Variants in FCAR observed in about 807,000 individuals in gnomAD.
FCAR encodes immunoglobulin alpha Fc receptor.
Under a neutral mutation model 27.1 loss-of-function variants are expected in FCAR, and 21 were observed. The ratio of observed to expected loss-of-function variants is 0.77; its 90% CI spans 0.55 to 1.11. FCAR has a LOEUF of 1.11. FCAR is among the 50% of genes most tolerant of loss of function. The pLI, the probability that FCAR is intolerant of heterozygous loss-of-function variation, is 0.00. For synonymous variants in FCAR, 134 were observed against 135.8 expected (o/e 0.99, Z 0.09); for missense variants, 404 against 358.4 (o/e 1.13, Z -1.03).
In FCAR at chr19:54,890,789, A is replaced by T. The variant is rs971615658; in HGVS notation, c.*926A>T. 2.6e-5 allele frequency: 4 copies of T among 152,090 alleles called. No individual in the cohort carries two copies. Among genetic ancestry groups the T allele is most frequent in the African/African-American group, 9.7e-5 (4 of 41,406 alleles). 9.4% of individuals were successfully genotyped at this position (152,090 alleles called of 1,614,324 possible). On this transcript the variant is annotated 3_prime_UTR_variant, in exon 5 of 5. Transcript: ENST00000355524. ...TAAATGGTTGGTAAGCATGCCAAATATATTCAATAACCCCCCTCCTTTATT... is the reference window on the plus strand; with the variant it reads ...TAAATGGTTGGTAAGCATGCCAAATTTATTCAATAACCCCCCTCCTTTATT...
intron 3 of FCAR, among the ~76,000 whole-genome samples, chr19:54,886,384 G>A (rs1159200250): frequency 1.6e-5 from 2 of 128,416 alleles, no homozygotes; most frequent in Non-Finnish European, 3.1e-5. Flanking sequence ...TCGGCTCACT[G>A]CAAGCTCCAA....
chr19:54,876,055 G>T (rs1412143055), intron 2 of FCAR, among the ~76,000 whole-genome samples: 1 of 152,128 alleles, frequency 6.6e-6, no homozygotes, highest in Non-Finnish European at 1.5e-5. Flanking sequence ...CACCTCCCTG[G>T]TTAGCTGTAT....
chr19:54,884,856 G>T (rs1264331517), intron 2 of FCAR, among the ~76,000 whole-genome samples: 1 of 151,956 alleles, frequency 6.6e-6, no homozygotes, highest in Admixed American at 6.6e-5. Context: ...GCCCAGGCTG[G>T]AGTGCAGTGG....
intron 2 of FCAR, among the ~76,000 whole-genome samples, chr19:54,881,854 G>T (rs950641501): frequency 6.8e-6 from 1 of 148,082 alleles, no homozygotes; most frequent in Non-Finnish European, 1.5e-5. Context: ...GCACTGCAGC[G>T]TGGGCGACAG....
chr19:54,885,007 C>T (rs770195753), intron 2 of FCAR, among the ~76,000 whole-genome samples: 2 of 152,006 alleles, frequency 1.3e-5, no homozygotes, highest in Non-Finnish European at 2.9e-5. Context: ...GGGGTTTCAC[C>T]GTGTTAGCCA....
At chr19:54,876,049 T>G (rs1173486223) in intron 2 of FCAR, among the ~76,000 whole-genome samples, 2 of 152,256 alleles carry the variant, frequency 1.3e-5, no homozygotes, top group Admixed American at 6.5e-5. Context: ...ATCTTTCACC[T>G]CCCTGGTTAG....
intron 2 of FCAR, among the ~76,000 whole-genome samples, chr19:54,879,507 T>C (rs922504960): frequency 6.6e-6 from 1 of 152,128 alleles, no homozygotes; most frequent in Non-Finnish European, 1.5e-5. Flanking sequence ...TTATGAAACT[T>C]AGTTTGGCTG....
rs1286360527 is a variant in FCAR, at chr19:54,887,993, CTT to C, written c.362-11_362-10del. 4 of 1,587,750 alleles carry C rather than the reference CTT, an allele frequency of 2.5e-6. No homozygotes were observed. The highest frequency in any genetic ancestry group is 3.4e-6 in the Non-Finnish European group (4 of 1,164,692). ...GAAAAGGTCTTTCTAATAGCTCACTCTTTTCTCTCTTAGGCTTGTATGGCAAA... is the reference window on the plus strand; with the variant it reads ...GAAAAGGTCTTTCTAATAGCTCACTCTTCTCTCTTAGGCTTGTATGGCAAA... On this transcript the variant is annotated splice_polypyrimidine_tract_variant and intron_variant, in intron 3 of 4. Transcript: ENST00000355524.
chr19:54,876,430 C>T (rs1392542022), intron 2 of FCAR, among the ~76,000 whole-genome samples: 2 of 152,156 alleles, frequency 1.3e-5, no homozygotes, highest in African/African-American at 2.4e-5. Context: ...ATACTTCCAG[C>T]TTTTGCCCAT....
chr19:54,878,991 G>A (rs2066264971), intron 2 of FCAR, among the ~76,000 whole-genome samples: 1 of 146,320 alleles, frequency 6.8e-6, no homozygotes, highest in Non-Finnish European at 1.5e-5. Flanking sequence ...TGATTCTCCT[G>A]CCTCAGCCTC....
intron 4 of FCAR, 47 bp downstream of exon 4, chr19:54,888,341 G>A (rs773540122): frequency 5.3e-5 from 85 of 1,603,004 alleles, no homozygotes; most frequent in Non-Finnish European, 7.1e-5. Flanking sequence ...GCTGTCCAGG[G>A]CCTTGCCACC....
intron 3 of FCAR, 89 bp from the exon 4 acceptor site, chr19:54,887,917 CA>C: frequency 8.1e-6 from 9 of 1,111,040 alleles, no homozygotes; most frequent in Admixed American, 2.8e-5. Context: ...AACTCCATCT[CA>C]AAAAAATATA....
At chr19:54,875,043 C>T (rs377441488) in intron 1 of FCAR, among the ~76,000 whole-genome samples, 2 of 151,894 alleles carry the variant, frequency 1.3e-5, no homozygotes, top group Non-Finnish European at 2.9e-5. Flanking sequence ...TGGTGGCGGG[C>T]GCCTGTAGTC....
At position 54,888,159 on chromosome 19, in the gene FCAR, G is replaced by A. The variant is rs367918012; in HGVS notation, c.514G>A (p.Gly172Arg). ...GELSLPQHQSGEHPANFSLGP... is the reference protein window; with the variant it reads ...GELSLPQHQSREHPANFSLGP... The stretch of plus-strand genomic sequence containing the variant: ...ACTTTCTCTGCCACAGCACCAAAGT[G>A]GGGAACACCCGGCCAACTTCTCTTT... Residue 172 changes from glycine (G) to arginine (R), a missense_variant, in exon 4 of 5, where the codon GGG becomes AGG. Gly to Arg is a moderately radical substitution (Grantham distance 125). Coordinates refer to ENST00000355524, the MANE Select transcript of FCAR (RefSeq NM_002000.4). The A allele has an allele frequency of 6.2e-7, 1 of 1,614,046 alleles. No individual in the cohort carries two copies. Among genetic ancestry groups the A allele is most frequent in the Non-Finnish European group, 8.5e-7 (1 of 1,180,032 alleles).
At chr19:54,885,058 G>A (rs587604626) in intron 2 of FCAR, among the ~76,000 whole-genome samples, 177 bp from the exon 3 acceptor site, 2 of 152,044 alleles carry the variant, frequency 1.3e-5, no homozygotes, top group East Asian at 1.9e-4. Flanking sequence ...CACCCGCCTC[G>A]GCCTCCCAAA....
rs2066868090 is a variant in FCAR, at chr19:54,888,221, G to A, written c.576G>A (p.Arg192=). The A allele has an allele frequency of 6.2e-7, 1 of 1,614,190 alleles. No individual in the cohort carries two copies. The highest frequency in any genetic ancestry group is 8.5e-7 in the Non-Finnish European group (1 of 1,180,020). ...ACCTCAATGTCTCAGGGATCTACAGGTGCTACGGTTGGTACAACAGGAGCC... is the reference window on the plus strand; with the variant it reads ...ACCTCAATGTCTCAGGGATCTACAGATGCTACGGTTGGTACAACAGGAGCC... The part of the protein sequence containing the change: ...PVDLNVSGIY[R]CYGWYNRSPY... Residue 192 remains arginine (R), a synonymous_variant, in exon 4 of 5, where the codon AGG becomes AGA. Coordinates refer to ENST00000355524, the MANE Select transcript of FCAR (RefSeq NM_002000.4).
chr19:54,888,603 A>G (rs1479156328), intron 4 of FCAR: 26 of 954,394 alleles, frequency 2.7e-5, no homozygotes, highest in Non-Finnish European at 3.5e-5. Context: ...GCTGGAGTGC[A>G]GTGGCACGAT....
At chr19:54,885,033 C>T (rs753280977) in intron 2 of FCAR, among the ~76,000 whole-genome samples, 2 of 152,076 alleles carry the variant, frequency 1.3e-5, no homozygotes, top group Non-Finnish European at 2.9e-5. Context: ...GTCTTGATAT[C>T]GTCACCTTGT....
rs187841915 is a variant in FCAR at position 54,881,542 on chromosome 19, G to T, written c.71-3693G>T. On this transcript the variant is annotated intron_variant, in intron 2 of 4. Coordinates refer to ENST00000355524, the MANE Select transcript of FCAR (RefSeq NM_002000.4). ...TGAGGGCTCACAGGGAGAGGAGACT[G>T]AGCTCCTCTCCGTATGGCGACTGCG... 6.5e-4 allele frequency among the ~76,000 whole-genome samples: 99 copies of T among 152,184 alleles called. No homozygotes were observed. In the East Asian group the frequency reaches 0.018, roughly 27 times the overall value.
Sources: gnomAD v4.1 joint callset for allele counts (sites outside exome capture counted in the v4.1 genomes callset) on GRCh38, gnomAD v4.1.1 for gene constraint, MANE v1.5 for transcripts, NCBI Gene and HGNC (gene_info 2026-07-23, HGNC 2026-07-21) for gene names.